The following KPNA5 variants were observed in gnomAD, a reference collection of about 807,000 sequenced individuals.
The protein encoded by KPNA5 is importin subunit alpha-6.
KPNA5 carries 46 observed loss-of-function variants against 71.3 expected under a neutral mutation model. That is an observed-to-expected ratio of 0.65 (90% CI 0.51 to 0.83). KPNA5 has a LOEUF of 0.83. Ranked by LOEUF, KPNA5 falls within the 40% of genes least tolerant of loss-of-function variation. The pLI is 0.00. For synonymous variants in KPNA5, 207 were observed against 201.4 expected (o/e 1.03, Z -0.24); for missense variants, 547 against 628.3 (o/e 0.87, Z 1.38).
At chr6:116,707,045 T>G (rs1778468201) in intron 7 of KPNA5, among the ~76,000 whole-genome samples, 2 of 151,826 alleles carry the variant, frequency 1.3e-5, no homozygotes, top group African/African-American at 4.8e-5. Flanking sequence ...GCGCCTGTAG[T>G]CCCAGCTACT....
chr6:116,732,061 A>T (rs1779502054), intron 13 of KPNA5, 75 bp from the exon 14 acceptor site: 1 of 215,192 alleles, frequency 4.6e-6, no homozygotes, highest in African/African-American at 3.0e-5. Context: ...CTGAAATTGT[A>T]GTAACAGTTT....
intron 11 of KPNA5, 39 bp downstream of exon 11, chr6:116,725,915 C>G (rs370722570): frequency 6.4e-7 from 1 of 1,568,840 alleles, no homozygotes; most frequent in African/African-American, 1.4e-5. Context: ...ACAGCAAGGT[C>G]TAAGAAGCCA....
At chr6:116,690,404 C>A (rs1777751080) in intron 2 of KPNA5, among the ~76,000 whole-genome samples, 1 of 152,080 alleles carries the variant, frequency 6.6e-6, no homozygotes, top group Non-Finnish European at 1.5e-5. Context: ...CCTTTAATCC[C>A]AGCACTTTGG....
chr6:116,695,527 A>G (rs1468835486), intron 4 of KPNA5, among the ~76,000 whole-genome samples: 1 of 152,182 alleles, frequency 6.6e-6, no homozygotes, highest in Non-Finnish European at 1.5e-5. Context: ...CAACTGCCTT[A>G]TTGTCCTAAG....
At position 116,741,037 on chromosome 6, in the gene KPNA5, T is replaced by TATG. The variant is rs367818498; in HGVS notation, c.*8715_*8717dup. 1.5e-5 allele frequency: 1 copy of TATG among 66,366 alleles called. No individual in the cohort carries two copies. The highest frequency in any genetic ancestry group is 8.8e-5 in the African/African-American group (1 of 11,392). 4.1% of individuals were successfully genotyped at this position (66,366 alleles called of 1,614,324 possible). On this transcript the variant is annotated 3_prime_UTR_variant, in exon 14 of 14. Coordinates refer to ENST00000368564, the MANE Select transcript of KPNA5 (RefSeq NM_001366306.2). ...ACTTTTAAATTTCAGACCTTAAAAATATGCCACTAACTTCTAAGTTGTGAT... is the reference window on the plus strand; with the variant it reads ...ACTTTTAAATTTCAGACCTTAAAAATATGATGCCACTAACTTCTAAGTTGTGAT...
chr6:116,696,358 G>A (rs930902056), intron 4 of KPNA5, among the ~76,000 whole-genome samples: 14 of 152,142 alleles, frequency 9.2e-5, no homozygotes, highest in African/African-American at 3.1e-4. Context: ...GGAAATATGG[G>A]AAAGCAAGCA....
chr6:116,690,039 A>G (rs1163345006), intron 2 of KPNA5, among the ~76,000 whole-genome samples: 1 of 152,236 alleles, frequency 6.6e-6, no homozygotes, highest in East Asian at 1.9e-4. Flanking sequence ...AAACTGATGT[A>G]TGAAAAGGAC....
intron 6 of KPNA5, among the ~76,000 whole-genome samples, chr6:116,703,182 T>C (rs756469296): frequency 1.3e-5 from 2 of 152,174 alleles, no homozygotes; most frequent in Non-Finnish European, 2.9e-5. Flanking sequence ...AATATTGTGA[T>C]GAATATCATT....
intron 7 of KPNA5, among the ~76,000 whole-genome samples, 194 bp from the exon 8 acceptor site, chr6:116,716,025 A>G (rs1482815681): frequency 6.6e-6 from 1 of 152,184 alleles, no homozygotes; most frequent in East Asian, 1.9e-4. Flanking sequence ...TTCAGATTGT[A>G]GATTCACTTT....
At position 116,740,156 on chromosome 6, in the gene KPNA5, AAAC is replaced by A. The variant is rs1442753656; in HGVS notation, c.*7837_*7839del. 2 of 152,024 alleles carry A rather than the reference AAAC, an allele frequency of 1.3e-5. No individual in the cohort carries two copies. Among genetic ancestry groups the A allele is most frequent in the African/African-American group, 4.8e-5 (2 of 41,406 alleles). 9.4% of individuals were successfully genotyped at this position (152,024 alleles called of 1,614,324 possible). On this transcript the variant is annotated 3_prime_UTR_variant, in exon 14 of 14. Coordinates refer to ENST00000368564, the MANE Select transcript of KPNA5 (RefSeq NM_001366306.2). Reference sequence around the variant, plus strand: ...GAACTCAAACAAATTTACAAGAAAAAAACAACCCCATCAAAAAGTGGGTGAAGG... The same window carrying A: ...GAACTCAAACAAATTTACAAGAAAAAAACCCCATCAAAAAGTGGGTGAAGG...
intron 5 of KPNA5, 113 bp from the exon 6 acceptor site, chr6:116,701,906 T>C: frequency 1.2e-6 from 1 of 829,478 alleles, no homozygotes; most frequent in East Asian, 2.8e-5. Context: ...AATCTTAATA[T>C]AAGTCAGTCT....
In KPNA5 at chr6:116,716,217, A is replaced by C. The variant is rs372596920; in HGVS notation, c.657-2A>C. On this transcript the variant is annotated splice_acceptor_variant, in intron 7 of 13. Transcript: ENST00000368564. LOFTEE classifies it high-confidence loss of function. ...AATTCTTTTTTTTCTTTTTCTTGGC[A>C]GGTTATTAACAAATTCAAACAGACT... The C allele has an allele frequency of 6.2e-7, 1 of 1,603,480 alleles. No homozygotes were observed. Among genetic ancestry groups the C allele is most frequent in the African/African-American group, 1.3e-5 (1 of 74,410 alleles).
At position 116,698,792 on chromosome 6, in the gene KPNA5, T is replaced by G. The variant is rs756993725; in HGVS notation, c.429T>G (p.Thr143=). The change falls in exon 5 of 14, where the codon ACT becomes ACG. Residue 143 remains threonine (T), a synonymous_variant. Transcript: ENST00000368564. ...TTCTTGAAAGAAATGAAAATTGCAC[T>G]TTACAAGTGAGTCTAAAGTTTTCTT... is the stretch of plus-strand genomic sequence containing the variant. The part of the protein sequence containing the change: ...VKFLERNENC[T]LQFEAAWALT... The G allele has an allele frequency of 2.6e-6, 4 of 1,552,160 alleles. No individual in the cohort carries two copies. Among genetic ancestry groups the G allele is most frequent in the Non-Finnish European group, 2.6e-6 (3 of 1,140,072 alleles).
At chr6:116,731,547 A>G (rs1398719439) in intron 13 of KPNA5, among the ~76,000 whole-genome samples, 2 of 151,734 alleles carry the variant, frequency 1.3e-5, no homozygotes, top group East Asian at 3.9e-4. Flanking sequence ...TAAGCAGTAA[A>G]ATCGATTGCT....
chr6:116,694,099 T>G (rs1223212979), intron 4 of KPNA5, among the ~76,000 whole-genome samples: 3 of 152,210 alleles, frequency 2.0e-5, no homozygotes, highest in African/African-American at 7.2e-5. Context: ...GGTCTATATC[T>G]CTGTTTTGGT....
rs536000763 is a variant in KPNA5 at position 116,740,774 on chromosome 6, C to G, written c.*8451C>G. The stretch of plus-strand genomic sequence containing the variant: ...AAACCAAATGCCGCATCTTCTCACT[C>G]ATAGGTGGGAATTGAACAATGAGAA... On this transcript the variant is annotated 3_prime_UTR_variant, in exon 14 of 14. Coordinates refer to ENST00000368564, the MANE Select transcript of KPNA5 (RefSeq NM_001366306.2). 4.9e-5 allele frequency: 7 copies of G among 143,228 alleles called. No homozygotes were observed. The highest frequency in any genetic ancestry group is 7.7e-5 in the Admixed American group (1 of 13,002). The allele number at this position is 143,228 out of a possible 1,614,324, so 8.9% of individuals were successfully genotyped here. A position where few individuals can be genotyped will look rare whatever the true frequency, so the allele number is the denominator to read the frequency against.
chr6:116,724,742 G>C (rs993576309), intron 10 of KPNA5, among the ~76,000 whole-genome samples: 1 of 152,070 alleles, frequency 6.6e-6, no homozygotes, highest in Non-Finnish European at 1.5e-5. Flanking sequence ...CCAAGTAGTT[G>C]GGACTGCAGG....
chr6:116,719,846 G>A (rs931366754), intron 8 of KPNA5, among the ~76,000 whole-genome samples: 1 of 146,556 alleles, frequency 6.8e-6, no homozygotes, highest in African/African-American at 2.6e-5. Flanking sequence ...GCAAGACCCT[G>A]TCTCAAAAAT....
chr6:116,730,984 A>G (rs1463051829), intron 13 of KPNA5, among the ~76,000 whole-genome samples: 1 of 151,778 alleles, frequency 6.6e-6, no homozygotes, highest in Admixed American at 6.6e-5. Flanking sequence ...AAAACATACC[A>G]TGTTCATTTA....
Sources: allele counts gnomAD v4.1 joint callset (sites outside exome capture counted in the v4.1 genomes callset), GRCh38; gene constraint gnomAD v4.1.1; transcripts MANE v1.5; gene names NCBI Gene and HGNC (gene_info 2026-07-23, HGNC 2026-07-21).